The following JARID2 variants were observed in gnomAD, a reference collection of about 807,000 sequenced individuals.
The protein encoded by JARID2 is jumonji and AT-rich interaction domain containing 2, also known as protein Jumonji.
In JARID2, 21 loss-of-function variants were observed where a neutral mutation model predicts 125.6. The ratio of observed to expected loss-of-function variants is 0.17; its 90% CI spans 0.12 to 0.24. The LOEUF is 0.24. Among genes scored for constraint, JARID2 ranks in the 10% least tolerant of loss-of-function variants. The probability of loss-of-function intolerance (pLI) is 1.00; values close to 1 mark genes in which losing one functional copy is unlikely to be tolerated. For missense variants in JARID2, 1,303 were observed against 1,639.6 expected, an observed-to-expected ratio of 0.79 and a Z score of 3.55; for synonymous variants, 736 against 661.6, an observed-to-expected ratio of 1.11 and a Z score of -1.73.
rs931496705 is a variant in JARID2 at position 15,487,610 on chromosome 6, A to C, written c.906+68A>C. The C allele has an allele frequency of 3.0e-6, 4 of 1,335,642 alleles. No homozygotes were observed. The East Asian group carries it at 9.9e-5, about 33-fold the overall frequency. 82.7% of individuals were successfully genotyped at this position (1,335,642 alleles called of 1,614,324 possible). Reference sequence around the variant, plus strand: ...TTTCCCACTTCACTTCACCAAGCTAAAAATTCATCTTCAGAGGGCTCAAGA... The same window carrying C: ...TTTCCCACTTCACTTCACCAAGCTACAAATTCATCTTCAGAGGGCTCAAGA... On this transcript the variant is annotated intron_variant, in intron 6 of 17. Coordinates refer to ENST00000341776, the MANE Select transcript of JARID2 (RefSeq NM_004973.4).
chr6:15,380,426 T>C lies in JARID2; in HGVS notation c.181+6174T>C, dbSNP rs1764535976. Reference sequence around the variant, plus strand: ...GTTTCTGGGCTTTATTTATGATTTGTAATTGAATTGATAGAGGGTATCAAA... The same window carrying C: ...GTTTCTGGGCTTTATTTATGATTTGCAATTGAATTGATAGAGGGTATCAAA... On this transcript the variant is annotated intron_variant, in intron 2 of 17. Coordinates refer to ENST00000341776, the MANE Select transcript of JARID2 (RefSeq NM_004973.4). Among the ~76,000 whole-genome samples the C allele has an allele frequency of 2.6e-5, 4 of 152,238 alleles. No individual in the cohort carries two copies. In the South Asian group the frequency reaches 8.3e-4, roughly 31 times the overall value.
Position 15,455,595 on chromosome 6 carries a change from G to A in JARID2, c.493+3420G>A, listed in dbSNP as rs561971297. 9.9e-5 allele frequency among the ~76,000 whole-genome samples: 15 copies of A among 152,250 alleles called. No homozygotes were observed. The South Asian group carries it at 1.0e-3, about 11-fold the overall frequency. On this transcript the variant is annotated intron_variant, in intron 4 of 17. Transcript: ENST00000341776. ...CGCCCAGGCTGGAGTGCAACAGCGC[G>A]ATCTTGGCTCACTGCAACCTCTGCA... is the stretch of plus-strand genomic sequence containing the variant.
At chr6:15,489,340 G>T (rs1021800399) in intron 6 of JARID2, among the ~76,000 whole-genome samples, 6 of 152,142 alleles carry the variant, frequency 3.9e-5, no homozygotes, top group African/African-American at 1.4e-4. Context: ...ACCCATCCTT[G>T]GGATGGCGAG....
At chr6:15,370,277 G>A (rs1764115686) in intron 1 of JARID2, among the ~76,000 whole-genome samples, 1 of 151,506 alleles carries the variant, frequency 6.6e-6, no homozygotes, top group African/African-American at 2.4e-5. Flanking sequence ...TCTGTATTGG[G>A]TGTATGTATT....
chr6:15,483,179 A>T (rs143287144), intron 5 of JARID2, among the ~76,000 whole-genome samples: 14 of 152,234 alleles, frequency 9.2e-5, no homozygotes, highest in Non-Finnish European at 1.9e-4. Context: ...AATAAAAACA[A>T]CATCCTATGA....
At chr6:15,468,972 G>A (rs1384927132) in intron 5 of JARID2, among the ~76,000 whole-genome samples, 1 of 151,740 alleles carries the variant, frequency 6.6e-6, no homozygotes, top group Non-Finnish European at 1.5e-5. Context: ...ACAGGCATCA[G>A]AACAGGAAAA....
intron 3 of JARID2, among the ~76,000 whole-genome samples, chr6:15,417,705 ACACT>A (rs1766295366): frequency 6.6e-6 from 1 of 152,150 alleles, no homozygotes; most frequent in South Asian, 2.1e-4. Context: ...TCGTGCCATC[ACACT>A]CCATCCTGGG....
intron 1 of JARID2, among the ~76,000 whole-genome samples, chr6:15,268,998 G>C (rs1403072676): frequency 2.6e-5 from 4 of 152,186 alleles, no homozygotes; most frequent in African/African-American, 9.7e-5. Context: ...GCCAGTGCCT[G>C]TTTCTCGTTA....
chr6:15,289,558 A>G (rs1271105341), intron 1 of JARID2, among the ~76,000 whole-genome samples: 1 of 152,096 alleles, frequency 6.6e-6, no homozygotes, highest in African/African-American at 2.4e-5. Context: ...TTGTAAAAAA[A>G]AAAAACCATG....
intron 5 of JARID2, among the ~76,000 whole-genome samples, chr6:15,477,349 G>A (rs1769392254): frequency 6.6e-6 from 1 of 151,884 alleles, no homozygotes; most frequent in Non-Finnish European, 1.5e-5. Context: ...TATGTTCAGT[G>A]GGGACAGACA....
At chr6:15,410,402 C>T in intron 3 of JARID2, 37 bp downstream of exon 3, 1 of 1,598,298 alleles carries the variant, frequency 6.3e-7, no homozygotes, top group Non-Finnish European at 8.6e-7. Flanking sequence ...GTACCTTCAA[C>T]CAGGGACTGC....
chr6:15,408,133 A>G (rs1045579159), intron 2 of JARID2, among the ~76,000 whole-genome samples: 8 of 151,974 alleles, frequency 5.3e-5, no homozygotes, highest in African/African-American at 1.9e-4. Flanking sequence ...GCATGGTGGC[A>G]TGTGTCTGCG....
At chr6:15,250,643 A>G (rs1316340506) in intron 1 of JARID2, among the ~76,000 whole-genome samples, 2 of 152,228 alleles carry the variant, frequency 1.3e-5, no homozygotes, top group Non-Finnish European at 2.9e-5. Context: ...TATCCAGGTT[A>G]TATTATTTTA....
At position 15,370,330 on chromosome 6, in the gene JARID2, G is replaced by GT. The variant is rs33981169; in HGVS notation, c.46-3765dup. On this transcript the variant is annotated intron_variant, in intron 1 of 17. Coordinates refer to ENST00000341776, the MANE Select transcript of JARID2 (RefSeq NM_004973.4). ...CTAATGATAGAGTTGTATCTGGGCTGTTTTTTTTTTTTTTTTTTTTTTAAA... is the reference window on the plus strand; with the variant it reads ...CTAATGATAGAGTTGTATCTGGGCTGTTTTTTTTTTTTTTTTTTTTTTTAAA... Among the ~76,000 whole-genome samples the GT allele has an allele frequency of 3.7e-3, 425 of 114,218 alleles. 5 individuals carry two copies. The highest frequency in any genetic ancestry group is 0.022 in the East Asian group (85 of 3,928). 74.9% of individuals were successfully genotyped at this position (114,218 alleles called of 152,430 possible). A position where few individuals can be genotyped will look rare whatever the true frequency, so the allele number is the denominator to read the frequency against.
In JARID2 at chr6:15,496,487, A is replaced by T; in HGVS notation, c.1262A>T (p.Glu421Val). ...TTGAACCCAAAGTCATGCACTAAGG[A>T]GGTGGGGGGGCGGCAGCTGCGGGAG... The part of the protein sequence containing the change: ...GRLNPKSCTK[E>V]VGGRQLREGL... The change falls in exon 7 of 18, where the codon GAG becomes GTG. Residue 421 changes from glutamate to valine, a missense_variant. This residue lies in a region of JARID2 where 651 missense variants were observed against 581.6 expected (regional missense o/e 1.12). Coordinates refer to ENST00000341776, the MANE Select transcript of JARID2 (RefSeq NM_004973.4). 1 of 1,604,944 alleles carries T rather than the reference A, an allele frequency of 6.2e-7. No individual in the cohort carries two copies. Among genetic ancestry groups the T allele is most frequent in the Non-Finnish European group, 8.5e-7 (1 of 1,175,078 alleles).
intron 2 of JARID2, among the ~76,000 whole-genome samples, chr6:15,399,173 G>A (rs1162900577): frequency 1.3e-5 from 2 of 152,130 alleles, no homozygotes; most frequent in Non-Finnish European, 2.9e-5. Context: ...GGTCTGCTCT[G>A]GGGGCTCACC....
rs936211870 is a variant in JARID2, at chr6:15,298,896, C to T, written c.45+52312C>T. On this transcript the variant is annotated intron_variant, in intron 1 of 17. Transcript: ENST00000341776. ...ACATGTATTACTTACAAAAACACTC[C>T]CTTCTCTCAGTAAAGACCCAAATCA... 2.0e-5 allele frequency among the ~76,000 whole-genome samples: 3 copies of T among 150,552 alleles called. No individual in the cohort carries two copies. In the South Asian group the frequency reaches 6.3e-4, roughly 32 times the overall value.
At chr6:15,309,939 T>C (rs1301050430) in intron 1 of JARID2, among the ~76,000 whole-genome samples, 1 of 152,146 alleles carries the variant, frequency 6.6e-6, no homozygotes, top group Non-Finnish European at 1.5e-5. Context: ...AAACGTGTAT[T>C]ACTCTGTAAT....
At chr6:15,377,151 T>G (rs1756218218) in intron 2 of JARID2, among the ~76,000 whole-genome samples, 1 of 152,112 alleles carries the variant, frequency 6.6e-6, no homozygotes, top group South Asian at 2.1e-4. Flanking sequence ...CAGGGTGTAT[T>G]AGTTTGTTTT....
Sources: gnomAD v4.1 joint callset for allele counts (sites outside exome capture counted in the v4.1 genomes callset) on GRCh38, gnomAD v4.1.1 for gene constraint, gnomAD v4.1.1 regional missense constraint, MANE v1.5 for transcripts, NCBI Gene and HGNC (gene_info 2026-07-23, HGNC 2026-07-21) for gene names.